Variants in GIGYF2 observed in about 807,000 individuals in gnomAD.
The protein encoded by GIGYF2 is GRB10 interacting GYF protein 2, also known as GRB10-interacting GYF protein 2.
A neutral mutation model predicts 208.1 loss-of-function variants in GIGYF2; 25 were observed. The observed-to-expected ratio is 0.12, with a 90% CI of 0.09 to 0.17. The LOEUF (loss-of-function observed/expected upper bound fraction) is 0.17, where lower values mean the gene tolerates loss of function less well. Ranked by LOEUF, GIGYF2 falls within the 10% of genes least tolerant of loss-of-function variation. The pLI is 1.00. For missense variants in GIGYF2, 1,302 were observed against 1,579.4 expected (o/e 0.82, Z 2.98); for synonymous variants, 534 against 543.8 (o/e 0.98, Z 0.25).
chr2:232,809,791 G>A lies in GIGYF2; in HGVS notation c.1878G>A (p.Gln626=). 1 of 1,596,796 alleles carries A rather than the reference G, an allele frequency of 6.3e-7. No homozygotes were observed. The highest frequency in any genetic ancestry group is 8.6e-7 in the Non-Finnish European group (1 of 1,164,158). ...LTALYQMQHL[Q]YQQFLIQQQY... ...CCTTATACCAGATGCAGCACCTGCAGTACCAGCAGTTTTTAATACAGTAAG... is the reference window on the plus strand; with the variant it reads ...CCTTATACCAGATGCAGCACCTGCAATACCAGCAGTTTTTAATACAGTAAG... Residue 626 remains glutamine, a synonymous_variant, in exon 16 of 29, where the codon CAG becomes CAA. Transcript: ENST00000373563.
chr2:232,715,593 A>G (rs1696641761), intron 2 of GIGYF2, among the ~76,000 whole-genome samples: 1 of 152,112 alleles, frequency 6.6e-6, no homozygotes, highest in African/African-American at 2.4e-5. Context: ...AAAAAAAAAA[A>G]AGTTCTTTGT....
At chr2:232,811,095 A>C in intron 16 of GIGYF2, 149 bp from the exon 17 acceptor site, 1 of 623,592 alleles carries the variant, frequency 1.6e-6, no homozygotes, top group South Asian at 1.8e-5. Context: ...TGTGTCTATT[A>C]TCATAATGAA....
rs187136239 is a variant in GIGYF2, at chr2:232,706,790, T to A, written c.-44+3301T>A. 5.2e-3 allele frequency among the ~76,000 whole-genome samples: 783 copies of A among 151,312 alleles called. 4 individuals carry two copies. Among genetic ancestry groups the A allele is most frequent in the African/African-American group, 0.018 (758 of 41,238 alleles). On this transcript the variant is annotated intron_variant, in intron 2 of 28. Coordinates refer to ENST00000373563, the MANE Select transcript of GIGYF2 (RefSeq NM_001103146.3). Reference sequence around the variant, plus strand: ...GCAAGACTCTGTCTCAAAAAATAAATAAATAAATAAAAATAAATAATTAGC... The same window carrying A: ...GCAAGACTCTGTCTCAAAAAATAAAAAAATAAATAAAAATAAATAATTAGC...
At chr2:232,786,301 G>A (rs892532614) in intron 8 of GIGYF2, among the ~76,000 whole-genome samples, 16 of 151,908 alleles carry the variant, frequency 1.1e-4, no homozygotes, top group African/African-American at 2.9e-4. Flanking sequence ...ACAGTGTCGC[G>A]ATCTCTGCTT....
At position 232,845,719 on chromosome 2, in the gene GIGYF2, TG is replaced by T. The variant is rs781469865; in HGVS notation, c.3306-12del. ...TTCTGGGAATATAATATCACCCTAT[TG>T]TTTTGCTTTAGTAAATCTGTAGGTG... On this transcript the variant is annotated splice_polypyrimidine_tract_variant and intron_variant, in intron 25 of 28. Coordinates refer to ENST00000373563, the MANE Select transcript of GIGYF2 (RefSeq NM_001103146.3). 1.1e-4 allele frequency: 181 copies of T among 1,581,388 alleles called. No individual in the cohort carries two copies. Among genetic ancestry groups the T allele is most frequent in the Middle Eastern group, 1.7e-4 (1 of 6,002 alleles).
chr2:232,713,104 C>G (rs1030972671), intron 2 of GIGYF2, among the ~76,000 whole-genome samples: 5 of 145,612 alleles, frequency 3.4e-5, no homozygotes, highest in Non-Finnish European at 6.0e-5. Context: ...GAAGTGGAGT[C>G]TTGTTCTGTT....
intron 2 of GIGYF2, chr2:232,724,530 C>G (rs745732830): frequency 6.6e-6 from 1 of 151,772 alleles, no homozygotes; most frequent in Non-Finnish European, 1.5e-5. Flanking sequence ...CAGTCTTTCT[C>G]TTTTTTGGCT....
intron 22 of GIGYF2, among the ~76,000 whole-genome samples, chr2:232,836,311 T>C (rs1169978516): frequency 8.4e-4 from 26 of 30,810 alleles, no homozygotes; most frequent in South Asian, 3.9e-3. Flanking sequence ...TATATATATA[T>C]ATATATATAT....
chr2:232,836,734 C>T (rs1701650916), intron 22 of GIGYF2, among the ~76,000 whole-genome samples: 1 of 152,156 alleles, frequency 6.6e-6, no homozygotes, highest in Middle Eastern at 3.4e-3. Context: ...GATAAGGTAG[C>T]AGCCTCCTAC....
chr2:232,857,237 T>C lies in GIGYF2; in HGVS notation c.*377T>C. On this transcript the variant is annotated 3_prime_UTR_variant, in exon 29 of 29. Transcript: ENST00000373563. ...TTGTCACTTTTTTTCTTCTATTTTG[T>C]TTTTTCTTCTTCTTTTTCCCCCCAT... is the stretch of plus-strand genomic sequence containing the variant. The C allele has an allele frequency of 3.0e-6, 1 of 332,522 alleles. No homozygotes were observed. The highest frequency in any genetic ancestry group is 2.9e-5 in the South Asian group (1 of 34,856). The allele number at this position is 332,522 out of a possible 1,614,324, so 20.6% of individuals were successfully genotyped here.
intron 2 of GIGYF2, among the ~76,000 whole-genome samples, chr2:232,721,512 G>C (rs1430809860): frequency 6.6e-6 from 1 of 152,166 alleles, no homozygotes; most frequent in East Asian, 1.9e-4. Flanking sequence ...TGCAGAATCA[G>C]GGTCTTCATC....
chr2:232,829,245 C>A (rs940834696), intron 21 of GIGYF2, among the ~76,000 whole-genome samples: 1 of 151,974 alleles, frequency 6.6e-6, no homozygotes, highest in African/African-American at 2.4e-5. Flanking sequence ...TTTATTGTTA[C>A]GAAATGTTCC....
Position 232,735,135 on chromosome 2 carries a change from G to C in GIGYF2, c.-43-20G>C. The C allele has an allele frequency of 1.9e-6, 2 of 1,044,492 alleles. No homozygotes were observed. The highest frequency in any genetic ancestry group is 3.0e-6 in the Non-Finnish European group (2 of 666,114). 64.7% of individuals were successfully genotyped at this position (1,044,492 alleles called of 1,614,324 possible). ...ATTTAATCTCAACTAATAGTATGGA[G>C]ATATTTTTCTCGTTAACAGGTTTCT... is the stretch of plus-strand genomic sequence containing the variant. On this transcript the variant is annotated intron_variant, in intron 2 of 28. Transcript: ENST00000373563.
intron 2 of GIGYF2, among the ~76,000 whole-genome samples, chr2:232,723,432 C>CTTTT (rs371379851): frequency 5.2e-5 from 7 of 135,102 alleles, no homozygotes; most frequent in East Asian, 2.2e-4. Context: ...CTTTTCTTTT[C>CTTTT]TTTTTTTTTT....
intron 28 of GIGYF2, among the ~76,000 whole-genome samples, chr2:232,855,161 A>G (rs1285614672): frequency 7.0e-6 from 1 of 143,668 alleles, no homozygotes; most frequent in Non-Finnish European, 1.5e-5. Context: ...ATCTCAGCTC[A>G]CTAAAATCTC....
At position 232,794,835 on chromosome 2, in the gene GIGYF2, A is replaced by G. The variant is rs116074753; in HGVS notation, c.1370A>G (p.Asn457Ser). Residue 457 changes from asparagine to serine, a missense_variant, in exon 13 of 29, where the codon AAT becomes AGT. By Grantham distance (46) the Asn-to-Ser change is conservative. Coordinates refer to ENST00000373563, the MANE Select transcript of GIGYF2 (RefSeq NM_001103146.3). ...PLLILPPPVP[N>S]PSPTLRPVET... ...CTCATACTTCCACCTCCTGTTCCCAATCCTAGTCCTACTCTCCGGCCAGTT... is the reference window on the plus strand; with the variant it reads ...CTCATACTTCCACCTCCTGTTCCCAGTCCTAGTCCTACTCTCCGGCCAGTT... 6 of 1,613,650 alleles carry G rather than the reference A, an allele frequency of 3.7e-6. No homozygotes were observed. In the African/African-American group the frequency reaches 4.0e-5, roughly 11 times the overall value.
At chr2:232,772,653 A>G (rs555191456) in intron 8 of GIGYF2, among the ~76,000 whole-genome samples, 4 of 152,306 alleles carry the variant, frequency 2.6e-5, no homozygotes, top group Admixed American at 1.3e-4. Flanking sequence ...GTTACTAGGA[A>G]CAGAACAGGA....
At chr2:232,813,411 T>C (rs1402478574) in intron 18 of GIGYF2, among the ~76,000 whole-genome samples, 2 of 152,194 alleles carry the variant, frequency 1.3e-5, no homozygotes, top group Non-Finnish European at 2.9e-5. Flanking sequence ...GATTTCACCA[T>C]TGTGGCCAGT....
chr2:232,836,272 A>AC lies in GIGYF2; in HGVS notation c.2766+3179_2766+3180insC, dbSNP rs1267806755. 3.8e-3 allele frequency among the ~76,000 whole-genome samples: 5 copies of AC among 1,306 alleles called. 1 individual carries two copies. In the Admixed American group the frequency reaches 0.1, roughly 26 times the overall value. The allele number at this position is 1,306 out of a possible 152,430, so 0.9% of individuals were successfully genotyped here. On this transcript the variant is annotated intron_variant, in intron 22 of 28. Coordinates refer to ENST00000373563, the MANE Select transcript of GIGYF2 (RefSeq NM_001103146.3). ...TGAAACCCCATCTCTACATATATAT[A>AC]TATATATATATATATATATATATAT...
Sources: gnomAD v4.1 joint callset for allele counts (sites outside exome capture counted in the v4.1 genomes callset) on GRCh38, gnomAD v4.1.1 for gene constraint, MANE v1.5 for transcripts, NCBI Gene and HGNC (gene_info 2026-07-23, HGNC 2026-07-21) for gene names.